The following KLHL32 variants were observed in gnomAD, a reference collection of about 807,000 sequenced individuals.
The protein encoded by KLHL32 is kelch like family member 32.
KLHL32 carries 35 observed loss-of-function variants against 64.8 expected under a neutral mutation model. The ratio of observed to expected loss-of-function variants is 0.54; its 90% CI spans 0.41 to 0.72. KLHL32 has a LOEUF of 0.72. KLHL32 is among the 30% of genes least tolerant of loss of function. KLHL32 has a pLI of 0.00. For missense variants in KLHL32, 589 were observed against 768.5 expected, an observed-to-expected ratio of 0.77 and a Z score of 2.76; for synonymous variants, 259 against 281.0, an observed-to-expected ratio of 0.92 and a Z score of 0.78.
At chr6:96,913,335 T>C in the KLHL32 span, among the ~76,000 whole-genome samples, 1,889 of 152,308 alleles carry the variant, frequency 0.012, 86 homozygotes, top group East Asian at 0.094. Context: ...CTAACTGCAA[T>C]AACCAATCAC....
chr6:96,905,691 T>A, the KLHL32 span, among the ~76,000 whole-genome samples: 8 of 152,332 alleles, frequency 5.3e-5, no homozygotes, highest in South Asian at 1.7e-3. Flanking sequence ...CAAAAACTAT[T>A]AGCTATTATT....
intron 7 of KLHL32, among the ~76,000 whole-genome samples, chr6:97,122,877 C>G (rs1288685723): frequency 2.6e-5 from 4 of 152,174 alleles, no homozygotes; most frequent in African/African-American, 4.8e-5. Flanking sequence ...AAACTCTTCC[C>G]TTAGACTAGT....
At chr6:97,011,352 G>T (rs1470478638) in intron 3 of KLHL32, among the ~76,000 whole-genome samples, 1 of 152,210 alleles carries the variant, frequency 6.6e-6, no homozygotes, top group Non-Finnish European at 1.5e-5. Context: ...AAATCACCTA[G>T]AGAAGCCAGT....
chr6:97,075,239 C>G (rs1791416619), intron 5 of KLHL32, among the ~76,000 whole-genome samples: 1 of 152,134 alleles, frequency 6.6e-6, no homozygotes, highest in Non-Finnish European at 1.5e-5. Context: ...TTTTGAATTG[C>G]TGCTAATACT....
At chr6:97,058,085 T>C (rs1249395928) in intron 4 of KLHL32, among the ~76,000 whole-genome samples, 1 of 152,224 alleles carries the variant, frequency 6.6e-6, no homozygotes, top group Admixed American at 6.5e-5. Context: ...CTGAGCTCTC[T>C]GTTCTGTTCC....
chr6:97,037,286 C>T (rs1266904550), intron 3 of KLHL32, among the ~76,000 whole-genome samples: 1 of 151,932 alleles, frequency 6.6e-6, no homozygotes, highest in Non-Finnish European at 1.5e-5. Flanking sequence ...AAACATAAAA[C>T]TCTCTAATGC....
intron 6 of KLHL32, among the ~76,000 whole-genome samples, chr6:97,104,359 C>T (rs1208447995): frequency 6.6e-6 from 1 of 152,134 alleles, no homozygotes; most frequent in Non-Finnish European, 1.5e-5. Flanking sequence ...GGGCTTTTCG[C>T]TTTTGGAACT....
intron 4 of KLHL32, among the ~76,000 whole-genome samples, chr6:97,042,293 A>G (rs1623598): frequency 0.25 from 38,655 of 152,094 alleles, 6,292 homozygotes; most frequent in African/African-American, 0.45. Context: ...ACATCCTAGT[A>G]AGAGAAAGAC....
At chr6:97,084,571 G>T (rs1226738591) in intron 5 of KLHL32, among the ~76,000 whole-genome samples, 1 of 152,222 alleles carries the variant, frequency 6.6e-6, no homozygotes, top group South Asian at 2.1e-4. Context: ...TTTTCTGTGA[G>T]ATTTCCTCAT....
chr6:96,910,844 C>T, the KLHL32 span, among the ~76,000 whole-genome samples: 2 of 152,144 alleles, frequency 1.3e-5, no homozygotes, highest in Admixed American at 1.3e-4. Flanking sequence ...AGAAGCAGCA[C>T]AAGCTTTGAC....
chr6:97,016,692 G>T (rs1781245301), intron 3 of KLHL32, among the ~76,000 whole-genome samples: 1 of 152,150 alleles, frequency 6.6e-6, no homozygotes, highest in African/African-American at 2.4e-5. Context: ...TGAAGTGTGA[G>T]GACGAGATTT....
the KLHL32 span, among the ~76,000 whole-genome samples, chr6:96,902,205 T>G: frequency 6.6e-6 from 1 of 152,182 alleles, no homozygotes; most frequent in African/African-American, 2.4e-5. Context: ...CTCCCACCAA[T>G]AGTGTAAAAG....
intron 5 of KLHL32, among the ~76,000 whole-genome samples, chr6:97,071,141 T>A (rs907971415): frequency 6.6e-6 from 1 of 152,094 alleles, no homozygotes; most frequent in Non-Finnish European, 1.5e-5. Context: ...TTGCCCTCAC[T>A]ACCCAACTGT....
intron 7 of KLHL32, among the ~76,000 whole-genome samples, chr6:97,119,714 T>G (rs1450402440): frequency 6.6e-6 from 1 of 152,216 alleles, no homozygotes; most frequent in African/African-American, 2.4e-5. Context: ...TCTGAGCTTA[T>G]CAGACAACTT....
chr6:97,032,729 C>T (rs1018622890), intron 3 of KLHL32, among the ~76,000 whole-genome samples: 1 of 152,090 alleles, frequency 6.6e-6, no homozygotes, highest in African/African-American at 2.4e-5. Flanking sequence ...AAAACTTAAC[C>T]ACTCATGTAA....
intron 4 of KLHL32, among the ~76,000 whole-genome samples, chr6:97,060,110 T>G (rs771534776): frequency 1.3e-5 from 2 of 152,158 alleles, no homozygotes; most frequent in Non-Finnish European, 2.9e-5. Context: ...TTCAGTCCAC[T>G]GTACACATAG....
chr6:97,092,302 A>G (rs1794379415), intron 6 of KLHL32, among the ~76,000 whole-genome samples: 1 of 152,078 alleles, frequency 6.6e-6, no homozygotes, highest in Admixed American at 6.5e-5. Context: ...TCTCTTTCAT[A>G]CATGCATGTG....
upstream of KLHL32, among the ~76,000 whole-genome samples, chr6:96,922,065 A>G (rs911386848): frequency 1.3e-5 from 2 of 152,208 alleles, no homozygotes; most frequent in African/African-American, 4.8e-5. Context: ...CCTAGTTTTC[A>G]GTGTTTCCCC....
chr6:97,009,633 T>G (rs1444123749), intron 3 of KLHL32, among the ~76,000 whole-genome samples: 1 of 152,248 alleles, frequency 6.6e-6, no homozygotes, highest in African/African-American at 2.4e-5. Context: ...TACGCTAGTT[T>G]ACTGTTTTGA....
Sources: allele counts gnomAD v4.1 joint callset (sites outside exome capture counted in the v4.1 genomes callset), GRCh38; gene constraint gnomAD v4.1.1; transcripts MANE v1.5; gene names NCBI Gene and HGNC (gene_info 2026-07-23, HGNC 2026-07-21).